RBMS1: variants seen among roughly 807,000 people sequenced by gnomAD.
RBMS1 encodes RNA binding motif single stranded interacting protein 1, also known as RNA-binding motif, single-stranded-interacting protein 1.
In RBMS1, 17 loss-of-function variants were observed where a neutral mutation model predicts 62.3. The observed-to-expected ratio is 0.27, with a 90% CI of 0.19 to 0.41. The LOEUF is 0.41. RBMS1 is among the 10% of genes least tolerant of loss of function. The pLI, the probability that RBMS1 is intolerant of heterozygous loss-of-function variation, is 1.00. For synonymous variants in RBMS1, 172 were observed against 170.0 expected (o/e 1.01, Z -0.09); for missense variants, 334 against 504.5 (o/e 0.66, Z 3.24).
rs371972267 is a variant in RBMS1, at chr2:160,275,721, C to T, written c.1144-7G>A. ...GCTGTTGACCACTTGCCTCCTACAA[C>T]AAACAAAGCAGAATGGATGAGACAT... On this transcript the variant is annotated splice_region_variant and splice_polypyrimidine_tract_variant and intron_variant, in intron 12 of 13. Coordinates refer to ENST00000348849, the MANE Select transcript of RBMS1 (RefSeq NM_016836.4). 3 of 1,613,644 alleles carry T rather than the reference C, an allele frequency of 1.9e-6. No individual in the cohort carries two copies. The highest frequency in any genetic ancestry group is 2.5e-6 in the Non-Finnish European group (3 of 1,179,632).
intron 1 of RBMS1, among the ~76,000 whole-genome samples, chr2:160,422,703 T>C (rs934163115): frequency 5.3e-5 from 8 of 152,100 alleles, no homozygotes; most frequent in Non-Finnish European, 4.4e-5. Context: ...AGTTTGTTAT[T>C]TCTAGTGCCT....
At chr2:160,326,197 A>G (rs1690917945) in intron 2 of RBMS1, among the ~76,000 whole-genome samples, 1 of 152,222 alleles carries the variant, frequency 6.6e-6, no homozygotes, top group Non-Finnish European at 1.5e-5. Flanking sequence ...TACAGTCAAG[A>G]AAGGAGAGAT....
At chr2:160,369,956 T>C (rs764691961) in intron 1 of RBMS1, among the ~76,000 whole-genome samples, 1 of 152,246 alleles carries the variant, frequency 6.6e-6, no homozygotes, top group African/African-American at 2.4e-5. Context: ...ATGATTTACA[T>C]ATCTGAATTT....
intron 1 of RBMS1, among the ~76,000 whole-genome samples, chr2:160,372,083 A>C (rs57893189): frequency 0.25 from 38,423 of 152,064 alleles, 5,616 homozygotes; most frequent in East Asian, 0.54. Flanking sequence ...TAAAACAAAA[A>C]CTTGTCATTT....
chr2:160,491,475 T>C (rs1248054740), intron 1 of RBMS1, among the ~76,000 whole-genome samples: 2 of 152,380 alleles, frequency 1.3e-5, no homozygotes, highest in Non-Finnish European at 2.9e-5. Context: ...GAGCAGGCTC[T>C]TGCCGTTTGT....
At chr2:160,429,040 T>C (rs7572202) in intron 1 of RBMS1, among the ~76,000 whole-genome samples, 41,921 of 152,152 alleles carry the variant, frequency 0.28, 6,167 homozygotes, top group South Asian at 0.43. Flanking sequence ...TATGTAAAGA[T>C]TGTTTCAATT....
At position 160,353,708 on chromosome 2, in the gene RBMS1, C is replaced by T. The variant is rs1692644517; in HGVS notation, c.251+13508G>A. ...GATATGGACTCTTTTCCCAAGCCTG[C>T]CCCTTCCTAGTTTTGTGACTCCAAA... On this transcript the variant is annotated intron_variant, in intron 2 of 13. Coordinates refer to ENST00000348849, the MANE Select transcript of RBMS1 (RefSeq NM_016836.4). Among the ~76,000 whole-genome samples the T allele has an allele frequency of 3.3e-5, 5 of 152,048 alleles. No homozygotes were observed. In the South Asian group the frequency reaches 1.0e-3, roughly 32 times the overall value.
At chr2:160,328,584 T>A (rs1691082427) in intron 2 of RBMS1, among the ~76,000 whole-genome samples, 1 of 152,054 alleles carries the variant, frequency 6.6e-6, no homozygotes, top group Admixed American at 6.6e-5. Flanking sequence ...TTTATGCCAA[T>A]TTAGCTCAAA....
intron 2 of RBMS1, among the ~76,000 whole-genome samples, chr2:160,340,427 G>A (rs541897658): frequency 2.6e-5 from 4 of 152,120 alleles, no homozygotes; most frequent in East Asian, 3.9e-4. Context: ...ACTAGCTTTC[G>A]GTTCTCCAAG....
At chr2:160,344,958 A>G (rs889296389) in intron 2 of RBMS1, among the ~76,000 whole-genome samples, 4 of 152,292 alleles carry the variant, frequency 2.6e-5, no homozygotes, top group Admixed American at 6.5e-5. Context: ...ATTTCTAGCT[A>G]TGAGTCTCTT....
intron 9 of RBMS1, chr2:160,284,553 C>A: frequency 1.9e-6 from 1 of 525,066 alleles, no homozygotes; most frequent in Non-Finnish European, 3.4e-6. Flanking sequence ...TGCTATGATT[C>A]CAAGGACTGA....
chr2:160,376,475 A>G (rs1053449245), intron 1 of RBMS1, among the ~76,000 whole-genome samples: 2 of 152,190 alleles, frequency 1.3e-5, no homozygotes, highest in Non-Finnish European at 2.9e-5. Flanking sequence ...AATTTTTTGA[A>G]TTAATATAAC....
intron 6 of RBMS1, among the ~76,000 whole-genome samples, chr2:160,299,988 G>A (rs1439895380): frequency 6.6e-6 from 1 of 152,208 alleles, no homozygotes; most frequent in Non-Finnish European, 1.5e-5. Context: ...TCAGCATTCT[G>A]TCATGACAGT....
intron 1 of RBMS1, among the ~76,000 whole-genome samples, chr2:160,410,896 AC>A (rs1696004634): frequency 6.6e-6 from 1 of 152,182 alleles, no homozygotes; most frequent in Non-Finnish European, 1.5e-5. Context: ...GGCGTGTGCC[AC>A]CACGCCTGTC....
chr2:160,410,514 AC>A (rs1418321737), intron 1 of RBMS1, among the ~76,000 whole-genome samples: 1 of 152,202 alleles, frequency 6.6e-6, no homozygotes, highest in African/African-American at 2.4e-5. Context: ...AGAAAAAAAA[AC>A]ATAACTATGA....
At chr2:160,449,354 A>G (rs1321882159) in intron 1 of RBMS1, among the ~76,000 whole-genome samples, 1 of 152,274 alleles carries the variant, frequency 6.6e-6, no homozygotes, top group Non-Finnish European at 1.5e-5. Flanking sequence ...AGAATGGGCC[A>G]TGATGACGAT....
chr2:160,440,304 A>G (rs972213129), intron 1 of RBMS1, among the ~76,000 whole-genome samples: 1 of 152,114 alleles, frequency 6.6e-6, no homozygotes, highest in Non-Finnish European at 1.5e-5. Flanking sequence ...GGCAGGACCC[A>G]ACATCCCTGG....
At chr2:160,448,820 C>A (rs551195308) in intron 1 of RBMS1, among the ~76,000 whole-genome samples, 41 of 151,640 alleles carry the variant, frequency 2.7e-4, no homozygotes, top group Middle Eastern at 3.4e-3. Context: ...AGCGCCTCTT[C>A]CCGGCCGCCA....
At chr2:160,299,165 A>G (rs534801312) in intron 6 of RBMS1, among the ~76,000 whole-genome samples, 1 of 152,026 alleles carries the variant, frequency 6.6e-6, no homozygotes, top group South Asian at 2.1e-4. Flanking sequence ...GGAATGTCAG[A>G]TTGGAGAGAG....
Sources: allele counts gnomAD v4.1 joint callset (sites outside exome capture counted in the v4.1 genomes callset), GRCh38; gene constraint gnomAD v4.1.1; transcripts MANE v1.5; gene names NCBI Gene and HGNC (gene_info 2026-07-23, HGNC 2026-07-21).